MED4: variants seen among roughly 807,000 people sequenced by gnomAD.
MED4 encodes mediator complex subunit 4.
In MED4, 21 loss-of-function variants were observed where a neutral mutation model predicts 35.0. That is an observed-to-expected ratio of 0.60 (90% CI 0.43 to 0.86). The LOEUF (loss-of-function observed/expected upper bound fraction) is 0.86. Ranked by LOEUF, MED4 falls within the 40% of genes least tolerant of loss-of-function variation. The pLI is 0.00. For synonymous variants in MED4, 138 were observed against 114.0 expected (o/e 1.21, Z -1.34); for missense variants, 300 against 319.4 (o/e 0.94, Z 0.46).
intron 6 of MED4, among the ~76,000 whole-genome samples, chr13:48,077,827 A>G (rs1950772699): frequency 6.6e-6 from 1 of 152,352 alleles, no homozygotes. Context: ...ACTACTCTGT[A>G]AGAAACTATT....
chr13:48,083,352 G>A lies in MED4; in HGVS notation c.421+19C>T. The stretch of plus-strand genomic sequence containing the variant: ...GAACCTTAACTTTTCAGGTCATTCA[G>A]TCTTCCCATGATACTAACCTTTTCT... On this transcript the variant is annotated intron_variant, in intron 4 of 6. Transcript: ENST00000258648. 1 of 1,602,340 alleles carries A rather than the reference G, an allele frequency of 6.2e-7. No homozygotes were observed. Among genetic ancestry groups the A allele is most frequent in the Non-Finnish European group, 8.5e-7 (1 of 1,172,784 alleles).
In MED4 at chr13:48,076,803, T is replaced by A. The variant is rs1950762223; in HGVS notation, c.*336A>T. On this transcript the variant is annotated 3_prime_UTR_variant, in exon 7 of 7. Transcript: ENST00000258648. ...CCAAGAAGCCTATTAGTGATATGTA[T>A]ATGGATAATTTCCCTCAACTCTATT... 1 of 181,952 alleles carries A rather than the reference T, an allele frequency of 5.5e-6. No individual in the cohort carries two copies. The highest frequency in any genetic ancestry group is 2.4e-5 in the African/African-American group (1 of 42,402). The allele number at this position is 181,952 out of a possible 1,614,324, so 11.3% of individuals were successfully genotyped here.
chr13:48,085,272 C>T (rs988353284), intron 3 of MED4, among the ~76,000 whole-genome samples: 4 of 150,260 alleles, frequency 2.7e-5, no homozygotes, highest in South Asian at 2.1e-4. Flanking sequence ...CCCAGGTTCA[C>T]GCGATTCTCC....
At chr13:48,091,208 T>C (rs1476180754) in intron 1 of MED4, among the ~76,000 whole-genome samples, 2 of 152,252 alleles carry the variant, frequency 1.3e-5, no homozygotes, top group Admixed American at 1.3e-4. Flanking sequence ...GAGGGATCCT[T>C]ACACATAATA....
Position 48,094,926 on chromosome 13 carries a change from A to C in MED4, c.125+28T>G, listed in dbSNP as rs1227746069. 5 of 1,598,940 alleles carry C rather than the reference A, an allele frequency of 3.1e-6. No homozygotes were observed. The East Asian group carries it at 8.9e-5, about 29-fold the overall frequency. On this transcript the variant is annotated intron_variant, in intron 1 of 6. Transcript: ENST00000258648. Reference sequence around the variant, plus strand: ...GGGGTCAGTCCCCCGGCCCAGCTCCAGCCCGGCTCTCAGGCTCGCCGCATT... The same window carrying C: ...GGGGTCAGTCCCCCGGCCCAGCTCCCGCCCGGCTCTCAGGCTCGCCGCATT...
intron 6 of MED4, 109 bp from the exon 7 acceptor site, chr13:48,077,420 T>C: frequency 1.0e-6 from 1 of 1,001,494 alleles, no homozygotes. Flanking sequence ...TTTTACTTTT[T>C]TCTCTTCTTT....
At position 48,081,714 on chromosome 13, in the gene MED4, C is replaced by A. The variant is rs772628620; in HGVS notation, c.439G>T (p.Glu147Ter). ...ATCCTATGTGCATACTTAATTATTT[C>A]TTCAGAGGAGATAGCACCTGAAAGA... The part of the protein sequence containing the change: ...KARKGAISSE[E>*]IIKYAHRISA... Residue 147 changes from glutamate to a stop codon, truncating the protein, a stop_gained, in exon 5 of 7, where the codon GAA (glutamate) becomes TAA (stop). Transcript: ENST00000258648. LOFTEE classifies it high-confidence loss of function. The A allele has an allele frequency of 3.7e-6, 6 of 1,610,494 alleles. No individual in the cohort carries two copies. The African/African-American group carries it at 8.0e-5, about 22-fold the overall frequency.
At chr13:48,085,432 C>A (rs996748671) in intron 3 of MED4, among the ~76,000 whole-genome samples, 1 of 152,122 alleles carries the variant, frequency 6.6e-6, no homozygotes, top group Non-Finnish European at 1.5e-5. Flanking sequence ...ACCTCGCGAT[C>A]CACCTGCGTT....
At chr13:48,080,204 C>A (rs1950794686) in intron 5 of MED4, among the ~76,000 whole-genome samples, 1 of 151,766 alleles carries the variant, frequency 6.6e-6, no homozygotes, top group Admixed American at 6.6e-5. Context: ...CAAGACCAGC[C>A]TGGCCAGCAT....
chr13:48,091,466 T>C (rs1251160145), intron 1 of MED4, among the ~76,000 whole-genome samples: 1 of 152,182 alleles, frequency 6.6e-6, no homozygotes, highest in Non-Finnish European at 1.5e-5. Context: ...CCAGGCTATT[T>C]TTACCTTCAA....
chr13:48,091,503 C>G (rs1950889656), intron 1 of MED4, among the ~76,000 whole-genome samples: 1 of 152,192 alleles, frequency 6.6e-6, no homozygotes, highest in African/African-American at 2.4e-5. Flanking sequence ...CAGCTAGCAT[C>G]ATATCATTTT....
rs1166022329 is a variant in MED4, at chr13:48,079,924, A to G, written c.560T>C (p.Leu187Pro). ...AGTGGAAGGATTGTTCATCTGACCC[A>G]GTAACCCACTTCTCATCTCTAAATC... ...PTDLEMRSGLLGQMNNPSTNG... is the reference protein window; with the variant it reads ...PTDLEMRSGLPGQMNNPSTNG... Residue 187 changes from leucine to proline, a missense_variant, in exon 6 of 7, where the codon CTG (leucine) becomes CCG (proline). By Grantham distance (98) the Leu-to-Pro change is moderately conservative. Transcript: ENST00000258648. The G allele has an allele frequency of 6.2e-7, 1 of 1,613,986 alleles. No individual in the cohort carries two copies. The highest frequency in any genetic ancestry group is 8.5e-7 in the Non-Finnish European group (1 of 1,179,864).
chr13:48,077,360 T>C (rs779990835), intron 6 of MED4, 49 bp from the exon 7 acceptor site: 1 of 1,345,218 alleles, frequency 7.4e-7, no homozygotes, highest in East Asian at 2.8e-5. Context: ...CTGTAATTAA[T>C]CTAGTTCTTA....
At chr13:48,083,898 G>A (rs1950829011) in intron 3 of MED4, among the ~76,000 whole-genome samples, 2 of 152,028 alleles carry the variant, frequency 1.3e-5, no homozygotes, top group South Asian at 2.1e-4. Flanking sequence ...CAAGCCCTCA[G>A]GTACACTAAA....
intron 1 of MED4, 44 bp downstream of exon 1, chr13:48,094,910 C>T (rs376662225): frequency 1.1e-5 from 17 of 1,593,782 alleles, no homozygotes; most frequent in East Asian, 2.2e-5. Flanking sequence ...CGGGGTCAGT[C>T]CCCCGGCCCA....
Position 48,081,661 on chromosome 13 carries a change from T to A in MED4, c.492A>T (p.Pro164=), listed in dbSNP as rs1566117856. 1 of 1,611,120 alleles carries A rather than the reference T, an allele frequency of 6.2e-7. No homozygotes were observed. Among genetic ancestry groups the A allele is most frequent in the Non-Finnish European group, 8.5e-7 (1 of 1,178,776 alleles). ...RISASNAVCA[P]LTWVPGDPRR... Reference sequence around the variant, plus strand: ...TATGTTTACCTGGAACCCAGGTCAGTGGAGCACATACAGCATTACTTGCAC... The same window carrying A: ...TATGTTTACCTGGAACCCAGGTCAGAGGAGCACATACAGCATTACTTGCAC... Residue 164 remains proline (P), a synonymous_variant, in exon 5 of 7, where the codon CCA becomes CCT. Transcript: ENST00000258648.
Position 48,086,325 on chromosome 13 carries a change from A to G in MED4, c.320T>C (p.Ile107Thr), listed in dbSNP as rs1950848361. 3 of 1,613,846 alleles carry G rather than the reference A, an allele frequency of 1.9e-6. No homozygotes were observed. Among genetic ancestry groups the G allele is most frequent in the East Asian group, 2.2e-5 (1 of 44,806 alleles). The change falls in exon 3 of 7, where the codon ATT (isoleucine) becomes ACT (threonine). Residue 107 changes from isoleucine (I) to threonine (T), a missense_variant. By Grantham distance (89) the Ile-to-Thr change is moderately conservative. Coordinates refer to ENST00000258648, the MANE Select transcript of MED4 (RefSeq NM_014166.4). ...EKEVEKRDSD[I>T]QQLQKQLKEA... is the part of the protein sequence containing the mutation. Reference sequence around the variant, plus strand: ...CTTTAGCTGTTTTTGTAGCTGCTGAATATCACTGTCTCTCTTCTCTACTTC... The same window carrying G: ...CTTTAGCTGTTTTTGTAGCTGCTGAGTATCACTGTCTCTCTTCTCTACTTC...
chr13:48,086,521 A>ATCC (rs1231987451), intron 2 of MED4, 69 bp from the exon 3 acceptor site: 3 of 1,397,214 alleles, frequency 2.1e-6, no homozygotes, highest in African/African-American at 1.5e-5. Flanking sequence ...GAAACAAAGA[A>ATCC]TCCGTAACTG....
chr13:48,081,984 A>C (rs1176710631), intron 4 of MED4, among the ~76,000 whole-genome samples: 2 of 152,228 alleles, frequency 1.3e-5, no homozygotes, highest in Non-Finnish European at 2.9e-5. Context: ...CAATAATCTC[A>C]ATTATTAACT....
Sources: allele counts gnomAD v4.1 joint callset (sites outside exome capture counted in the v4.1 genomes callset), GRCh38; gene constraint gnomAD v4.1.1; transcripts MANE v1.5; gene names NCBI Gene and HGNC (gene_info 2026-07-23, HGNC 2026-07-21).